Variants in PCDHA11 observed in about 807,000 individuals in gnomAD.
PCDHA11 encodes protocadherin alpha 11.
PCDHA11 carries 61 observed loss-of-function variants against 70.3 expected under a neutral mutation model. That is an observed-to-expected ratio of 0.87 (90% CI 0.71 to 1.07). The LOEUF (loss-of-function observed/expected upper bound fraction) is 1.07. Ranked by LOEUF, PCDHA11 falls within the 50% of genes least tolerant of loss-of-function variation. The pLI, the probability that PCDHA11 is intolerant of heterozygous loss-of-function variation, is 0.00. For synonymous variants in PCDHA11, 633 were observed against 555.1 expected, an observed-to-expected ratio of 1.14 and a Z score of -1.97; for missense variants, 1,324 against 1,237.5, an observed-to-expected ratio of 1.07 and a Z score of -1.05.
intron 1 of PCDHA11, among the ~76,000 whole-genome samples, chr5:140,971,149 G>C (rs2096459410): frequency 1.3e-5 from 2 of 152,200 alleles, no homozygotes; most frequent in Admixed American, 1.3e-4. Context: ...GAACAAGTCA[G>C]GCCAGGCTCA....
intron 1 of PCDHA11, chr5:140,884,243 C>A: frequency 6.2e-7 from 1 of 1,613,466 alleles, no homozygotes; most frequent in Non-Finnish European, 8.5e-7. Flanking sequence ...TGAGCCCGCG[C>A]TGACGGCCAC....
chr5:140,981,940 T>A (rs2096958372), intron 2 of PCDHA11, among the ~76,000 whole-genome samples: 1 of 152,160 alleles, frequency 6.6e-6, no homozygotes, highest in Non-Finnish European at 1.5e-5. Flanking sequence ...TCAGGAAATA[T>A]AGGGTGGGTC....
chr5:140,875,751 G>A lies in PCDHA11; in HGVS notation c.2391+4257G>A, dbSNP rs781862261. On this transcript the variant is annotated intron_variant, in intron 1 of 3. Transcript: ENST00000398640. ...TTGTGAATTCTCGGATCGACCGCGA[G>A]AAGCTGTGCGGGCGGAGCGCGGAGT... 1.9e-6 allele frequency: 3 copies of A among 1,614,278 alleles called. No individual in the cohort carries two copies. In the South Asian group the frequency reaches 3.3e-5, roughly 18 times the overall value.
intron 1 of PCDHA11, chr5:140,926,949 G>C: frequency 3.8e-6 from 6 of 1,592,316 alleles, no homozygotes; most frequent in Non-Finnish European, 5.1e-6. Context: ...GCGCTGCAGC[G>C]GGACAGCTCG....
intron 1 of PCDHA11, among the ~76,000 whole-genome samples, chr5:140,974,053 T>C (rs529581642): frequency 6.6e-6 from 1 of 152,346 alleles, no homozygotes; most frequent in African/African-American, 2.4e-5. Flanking sequence ...TATGATAATA[T>C]TTGGAGCAGT....
At chr5:140,979,244 T>C (rs1214932523) in intron 2 of PCDHA11, among the ~76,000 whole-genome samples, 1 of 152,224 alleles carries the variant, frequency 6.6e-6, no homozygotes, top group African/African-American at 2.4e-5. Context: ...AGAAACAGGC[T>C]GCTATGTATT....
intron 1 of PCDHA11, among the ~76,000 whole-genome samples, chr5:140,897,322 A>C (rs1407696399): frequency 7.4e-6 from 1 of 134,448 alleles, no homozygotes; most frequent in Non-Finnish European, 1.6e-5. Context: ...TCCTAAAGCT[A>C]TCCCTCCCCC....
intron 3 of PCDHA11, among the ~76,000 whole-genome samples, chr5:140,994,812 A>G (rs565084284): frequency 6.6e-5 from 10 of 152,328 alleles, no homozygotes; most frequent in African/African-American, 2.2e-4. Flanking sequence ...CAAAATACAA[A>G]AAACTGAATT....
intron 1 of PCDHA11, among the ~76,000 whole-genome samples, chr5:140,948,147 A>T (rs2094217534): frequency 6.6e-6 from 1 of 151,572 alleles, no homozygotes; most frequent in African/African-American, 2.4e-5. Context: ...TGATTTTTGA[A>T]TGTTGGAAAA....
chr5:140,884,514 C>A (rs368331245), intron 1 of PCDHA11: 13 of 1,614,176 alleles, frequency 8.1e-6, no homozygotes, highest in East Asian at 2.2e-5. Context: ...GGGAGTTGGT[C>A]GTACTCGCAG....
At chr5:140,883,397 C>T in intron 1 of PCDHA11, 2 of 1,614,170 alleles carry the variant, frequency 1.2e-6, no homozygotes, top group Non-Finnish European at 1.7e-6. Flanking sequence ...TGTGTCCGAT[C>T]GTGACTCTGG....
Position 140,915,626 on chromosome 5 carries a change from G to GTCTCTCTC in PCDHA11, c.2391+44155_2391+44162dup, listed in dbSNP as rs57920489. Among the ~76,000 whole-genome samples the GTCTCTCTC allele has an allele frequency of 4.4e-3, 648 of 146,532 alleles. 6 individuals carry two copies. Among genetic ancestry groups the GTCTCTCTC allele is most frequent in the East Asian group, 0.011 (51 of 4,846 alleles). Reference sequence around the variant, plus strand: ...ACTTTCTGTCAAACAGTCTCTTTCTGTCTCTCTCTCTCTCTCTCTCTCTCT... The same window carrying GTCTCTCTC: ...ACTTTCTGTCAAACAGTCTCTTTCTGTCTCTCTCTCTCTCTCTCTCTCTCTCTCTCTCT... On this transcript the variant is annotated intron_variant, in intron 1 of 3. Transcript: ENST00000398640.
intron 1 of PCDHA11, among the ~76,000 whole-genome samples, chr5:140,895,085 C>T (rs144485224): frequency 2.0e-5 from 3 of 152,298 alleles, no homozygotes; most frequent in Non-Finnish European, 4.4e-5. Flanking sequence ...AGTTCCTCCT[C>T]AGTATAGGGG....
intron 1 of PCDHA11, chr5:140,875,267 C>T (rs1203068511): frequency 2.5e-6 from 3 of 1,210,992 alleles, no homozygotes; most frequent in Admixed American, 3.0e-5. Context: ...TGTCGCTCTA[C>T]ACTCAGAAGG....
chr5:140,957,702 A>C (rs930331275), intron 1 of PCDHA11, among the ~76,000 whole-genome samples: 4 of 152,158 alleles, frequency 2.6e-5, no homozygotes, highest in Non-Finnish European at 5.9e-5. Context: ...AACATTATGT[A>C]GTTTTTATTA....
At chr5:140,881,147 A>G (rs982102013) in intron 1 of PCDHA11, among the ~76,000 whole-genome samples, 3 of 152,238 alleles carry the variant, frequency 2.0e-5, no homozygotes, top group Non-Finnish European at 4.4e-5. Context: ...ATAACAATAG[A>G]TAAAAGTAAG....
In PCDHA11 at chr5:140,875,617, G is replaced by T; in HGVS notation, c.2391+4123G>T. On this transcript the variant is annotated intron_variant, in intron 1 of 3. Coordinates refer to ENST00000398640, the MANE Select transcript of PCDHA11 (RefSeq NM_018902.5). ...ACACGGCACCTTCGTGGGCCGCATC[G>T]CTCAGGACCTGGGGCTGGAGCTGGC... 1 of 1,613,780 alleles carries T rather than the reference G, an allele frequency of 6.2e-7. No homozygotes were observed. The highest frequency in any genetic ancestry group is 2.2e-5 in the East Asian group (1 of 44,888).
intron 1 of PCDHA11, chr5:140,928,467 A>G (rs782319281): frequency 6.2e-7 from 1 of 1,614,142 alleles, no homozygotes; most frequent in South Asian, 1.1e-5. Flanking sequence ...ATTTCCAAGT[A>G]GAAGGCCGGG....
At chr5:140,894,658 G>A (rs962936177) in intron 1 of PCDHA11, among the ~76,000 whole-genome samples, 4 of 151,172 alleles carry the variant, frequency 2.6e-5, no homozygotes, top group Non-Finnish European at 5.9e-5. Flanking sequence ...CTCTAATTCT[G>A]ATTTGTGTAT....
Sources: gnomAD v4.1 joint callset for allele counts (sites outside exome capture counted in the v4.1 genomes callset) on GRCh38, gnomAD v4.1.1 for gene constraint, MANE v1.5 for transcripts, NCBI Gene and HGNC (gene_info 2026-07-23, HGNC 2026-07-21) for gene names.